DPH6: variants seen among roughly 807,000 people sequenced by gnomAD.
DPH6 encodes the protein diphthamine biosynthesis 6, also known as diphthine--ammonia ligase.
A neutral mutation model predicts 38.2 loss-of-function variants in DPH6; 33 were observed. The observed-to-expected ratio is 0.86, with a 90% CI of 0.65 to 1.15. DPH6 has a LOEUF of 1.15. Among genes scored for constraint, DPH6 ranks in the 50% most tolerant of loss-of-function variants. The pLI is 0.00. For synonymous variants in DPH6, 108 were observed against 103.0 expected (o/e 1.05, Z -0.30); for missense variants, 325 against 320.0 (o/e 1.02, Z -0.12).
chr15:35,169,927 G>A, the DPH6 span, among the ~76,000 whole-genome samples: 1 of 152,188 alleles, frequency 6.6e-6, no homozygotes, highest in African/African-American at 2.4e-5. Flanking sequence ...TGTAGGAAAT[G>A]CATTTTAAAA....
At chr15:35,327,871 A>G (rs1409840506), downstream of DPH6, among the ~76,000 whole-genome samples, 1 of 152,116 alleles carries the variant, frequency 6.6e-6, no homozygotes, top group African/African-American at 2.4e-5. Context: ...TTGACTCTCT[A>G]CCTCACCATA....
chr15:35,309,366 T>A (rs1379014760), intron 3 of DPH6, among the ~76,000 whole-genome samples: 1 of 152,096 alleles, frequency 6.6e-6, no homozygotes, highest in Non-Finnish European at 1.5e-5. Context: ...GTGAAAAAAA[T>A]ATTTTCCTCA....
intron 3 of DPH6, chr15:35,237,838 GGAGGAT>G (rs1222542666): frequency 7.8e-6 from 12 of 1,540,438 alleles, no homozygotes; most frequent in East Asian, 6.8e-5. Context: ...AGGAGGAGGA[GGAGGAT>G]GAGGATGAGG....
At chr15:35,193,703 CA>C in the DPH6 span, among the ~76,000 whole-genome samples, 1 of 152,112 alleles carries the variant, frequency 6.6e-6, no homozygotes, top group Admixed American at 6.5e-5. Flanking sequence ...AGAATTAGCA[CA>C]GGGGCTTTGA....
exon 4 of DPH6, chr15:35,218,752 A>G (rs2051424811): frequency 6.6e-6 from 1 of 152,122 alleles, no homozygotes; most frequent in African/African-American, 2.4e-5. Flanking sequence ...TTTAATTAAA[A>G]CAAAACAAGC....
intron 3 of DPH6, among the ~76,000 whole-genome samples, chr15:35,476,249 T>C (rs1341730429): frequency 6.6e-6 from 1 of 151,842 alleles, no homozygotes; most frequent in Non-Finnish European, 1.5e-5. Flanking sequence ...TGGATCTCAG[T>C]TCCCTCATTA....
At chr15:35,469,717 C>T (rs1357287048) in intron 3 of DPH6, among the ~76,000 whole-genome samples, 2 of 152,062 alleles carry the variant, frequency 1.3e-5, no homozygotes, top group Non-Finnish European at 2.9e-5. Flanking sequence ...ATCCAGTAGA[C>T]AGTTGGTTAT....
At chr15:35,459,131 C>A (rs923075038) in intron 3 of DPH6, among the ~76,000 whole-genome samples, 2 of 152,136 alleles carry the variant, frequency 1.3e-5, no homozygotes, top group Non-Finnish European at 1.5e-5. Context: ...CAACAAAATA[C>A]CATGTAGACT....
intron 2 of DPH6, among the ~76,000 whole-genome samples, chr15:35,541,695 T>TC (rs1481526650): frequency 6.6e-6 from 1 of 152,306 alleles, no homozygotes; most frequent in African/African-American, 2.4e-5. Context: ...TAATCTTTTT[T>TC]CCCTCTTACA....
intron 7 of DPH6, 33 bp from the exon 8 acceptor site, chr15:35,373,641 T>C: frequency 6.4e-7 from 1 of 1,566,842 alleles, no homozygotes; most frequent in Non-Finnish European, 8.7e-7. Flanking sequence ...TACATTTATA[T>C]GCTACAAAAA....
the DPH6 span, among the ~76,000 whole-genome samples, chr15:35,152,137 A>G: frequency 1.3e-5 from 2 of 152,340 alleles, no homozygotes; most frequent in African/African-American, 2.4e-5. Context: ...GTGACCAGAA[A>G]TATGCCTAGG....
intron 3 of DPH6, among the ~76,000 whole-genome samples, chr15:35,352,684 T>C (rs1278707561): frequency 1.3e-5 from 2 of 152,354 alleles, no homozygotes; most frequent in East Asian, 1.9e-4. Context: ...CTATCATTGT[T>C]GGACATTTGG....
downstream of DPH6, among the ~76,000 whole-genome samples, chr15:35,370,186 C>T (rs147747040): frequency 8.2e-3 from 1,247 of 151,652 alleles, 16 homozygotes; most frequent in African/African-American, 0.028. Flanking sequence ...ATGTCCTTTA[C>T]AAAAATGAAT....
intron 3 of DPH6, among the ~76,000 whole-genome samples, chr15:35,266,137 A>G (rs551233256): frequency 3.9e-5 from 6 of 152,342 alleles, no homozygotes; most frequent in Admixed American, 3.9e-4. Context: ...TAATTATATC[A>G]TTCCCAGGGC....
intron 3 of DPH6, among the ~76,000 whole-genome samples, chr15:35,356,764 C>G (rs2052564085): frequency 6.6e-6 from 1 of 152,192 alleles, no homozygotes; most frequent in African/African-American, 2.4e-5. Context: ...TGTCCATTCT[C>G]AGATCTCAAG....
At chr15:35,333,856 A>G (rs1037428098) in intron 3 of DPH6, among the ~76,000 whole-genome samples, 85 of 152,336 alleles carry the variant, frequency 5.6e-4, no homozygotes, top group African/African-American at 2.0e-3. Flanking sequence ...TCACAATAGC[A>G]AAGACATGGA....
At chr15:35,232,232 C>G (rs1200772903) in intron 3 of DPH6, among the ~76,000 whole-genome samples, 2 of 152,180 alleles carry the variant, frequency 1.3e-5, no homozygotes, top group Non-Finnish European at 2.9e-5. Context: ...ACAGCCTTGT[C>G]TACCTTGGAA....
intron 6 of DPH6, among the ~76,000 whole-genome samples, chr15:35,406,239 T>G (rs552693693): frequency 6.6e-6 from 1 of 151,638 alleles, no homozygotes; most frequent in African/African-American, 2.4e-5. Flanking sequence ...AACATGGAGG[T>G]AGGAGGAGAT....
chr15:35,354,452 C>G (rs1038169807), intron 3 of DPH6, among the ~76,000 whole-genome samples: 1 of 152,098 alleles, frequency 6.6e-6, no homozygotes, highest in Non-Finnish European at 1.5e-5. Context: ...TGAGATATGT[C>G]CCATCAATAT....
Sources: gnomAD v4.1 joint callset for allele counts (sites outside exome capture counted in the v4.1 genomes callset) on GRCh38, gnomAD v4.1.1 for gene constraint, MANE v1.5 for transcripts, NCBI Gene and HGNC (gene_info 2026-07-23, HGNC 2026-07-21) for gene names.